CLCN4: variants seen among roughly 807,000 people sequenced by gnomAD.
CLCN4 encodes H(+)/Cl(-) exchange transporter 4.
Under a neutral mutation model 41.7 loss-of-function variants are expected in CLCN4, and 1 was observed. That is an observed-to-expected ratio of 0.02 (90% CI 0.01 to 0.11). The LOEUF is 0.11. Ranked by LOEUF, CLCN4 falls within the 10% of genes least tolerant of loss-of-function variation. CLCN4 has a pLI of 1.00. For missense variants in CLCN4, 287 were observed against 661.0 expected (o/e 0.43, Z 6.20); for synonymous variants, 277 against 285.8 (o/e 0.97, Z 0.31).
intron 2 of CLCN4, among the ~76,000 whole-genome samples, chrX:10,163,982 C>A (rs780527073): frequency 8.9e-6 from 1 of 112,833 alleles, no homozygotes; most frequent in South Asian, 3.6e-4. Flanking sequence ...TCCTACAAGT[C>A]TAGGCAGTGG....
intron 2 of CLCN4, among the ~76,000 whole-genome samples, chrX:10,173,082 A>G (rs761199855): frequency 1.8e-5 from 2 of 111,243 alleles, no homozygotes; most frequent in African/African-American, 3.3e-5. Flanking sequence ...TTCAAAGGCA[A>G]CTAACTGCAA....
At chrX:10,170,189 T>C (rs1053374291) in intron 2 of CLCN4, among the ~76,000 whole-genome samples, 13 of 112,276 alleles carry the variant, frequency 1.2e-4, no homozygotes, top group African/African-American at 3.9e-4. Flanking sequence ...ATAGTATTAA[T>C]AACACTCCCT....
intron 2 of CLCN4, among the ~76,000 whole-genome samples, chrX:10,173,466 G>C (rs1223518460): frequency 9.0e-6 from 1 of 110,637 alleles, no homozygotes; most frequent in Non-Finnish European, 1.9e-5. Context: ...GTTCGGCTGC[G>C]CACCCCGGGC....
At chrX:10,191,758 C>T (rs1355596647) in intron 4 of CLCN4, among the ~76,000 whole-genome samples, 1 of 86,733 alleles carries the variant, frequency 1.2e-5, no homozygotes, top group African/African-American at 4.7e-5. Context: ...CAGGCTAGTC[C>T]TGAACTCCTG....
intron 2 of CLCN4, among the ~76,000 whole-genome samples, chrX:10,161,649 A>C (rs1335333598): frequency 9.0e-6 from 1 of 110,927 alleles, no homozygotes; most frequent in Non-Finnish European, 1.9e-5. Flanking sequence ...ACAGTCTGTG[A>C]TGTGTTCGGC....
intron 2 of CLCN4, among the ~76,000 whole-genome samples, chrX:10,183,986 T>C (rs1342206311): frequency 8.9e-6 from 1 of 112,009 alleles, no homozygotes; most frequent in Non-Finnish European, 1.9e-5. Context: ...CCCACTCACA[T>C]AGAGGGCTCC....
At chrX:10,193,316 G>A (rs898449743) in intron 4 of CLCN4, among the ~76,000 whole-genome samples, 1 of 112,592 alleles carries the variant, frequency 8.9e-6, no homozygotes, top group African/African-American at 3.2e-5. Context: ...TGGGCTCTAT[G>A]TGCTTGGAAA....
Position 10,208,626 on chromosome X carries a change from A to T in CLCN4, c.1389+36A>T, listed in dbSNP as rs188933383. The T allele has an allele frequency of 3.5e-5, 40 of 1,138,965 alleles. No individual in the cohort carries two copies. In the African/African-American group the frequency reaches 7.0e-4, roughly 20 times the overall value. 93.9% of individuals were successfully genotyped at this position (1,138,965 alleles called of 1,213,427 possible). A position where few individuals can be genotyped will look rare whatever the true frequency, so the allele number is the denominator to read the frequency against. ...GGGAAGGAAGATGGGGTGGGGACCC[A>T]TGTCCTTCTGGGGACAGCACCCTAC... On this transcript the variant is annotated intron_variant, in intron 9 of 12. Transcript: ENST00000380833.
intron 2 of CLCN4, among the ~76,000 whole-genome samples, chrX:10,178,159 T>C (rs1277077858): frequency 9.8e-6 from 1 of 101,910 alleles, no homozygotes; most frequent in Non-Finnish European, 2.0e-5. Context: ...TGATTGCTAA[T>C]GGGTAGGGGG....
chrX:10,233,188 C>G (rs1416376897), intron 12 of CLCN4, among the ~76,000 whole-genome samples: 4 of 112,189 alleles, frequency 3.6e-5, no homozygotes, highest in African/African-American at 1.3e-4. Context: ...GGGCTCTGGA[C>G]CTAGGTGTTT....
intron 9 of CLCN4, among the ~76,000 whole-genome samples, chrX:10,212,214 C>A (rs1924575034): frequency 8.9e-6 from 1 of 112,062 alleles, no homozygotes; most frequent in South Asian, 3.8e-4. Flanking sequence ...GCAGGCAAAC[C>A]CAGCCAGCTT....
At chrX:10,166,927 G>A (rs1373118425) in intron 2 of CLCN4, among the ~76,000 whole-genome samples, 1 of 111,612 alleles carries the variant, frequency 9.0e-6, no homozygotes, top group Non-Finnish European at 1.9e-5. Context: ...GGGTTTCAAC[G>A]TGGAACGAAT....
In CLCN4 at chrX:10,200,257, A is replaced by C. The variant is rs191147894; in HGVS notation, c.555+2196A>C. On this transcript the variant is annotated intron_variant, in intron 6 of 12. Coordinates refer to ENST00000380833, the MANE Select transcript of CLCN4 (RefSeq NM_001830.4). The stretch of plus-strand genomic sequence containing the variant: ...AGGCTGGTCTTGAAATCCTGGGCTC[A>C]AGCAATCCTCCCGCCTTGGCCTCCC... Among the ~76,000 whole-genome samples the C allele has an allele frequency of 7.7e-3, 859 of 112,211 alleles. 9 individuals are homozygous for C. The highest frequency in any genetic ancestry group is 0.026 in the African/African-American group (794 of 30,884).
chrX:10,217,153 T>G (rs1426138961), intron 11 of CLCN4, among the ~76,000 whole-genome samples: 1 of 108,149 alleles, frequency 9.2e-6, no homozygotes, highest in South Asian at 4.1e-4. Flanking sequence ...CAGGCTGGAG[T>G]GCAGTGGCGC....
At chrX:10,221,896 T>C (rs778693712) in intron 12 of CLCN4, among the ~76,000 whole-genome samples, 49 of 111,458 alleles carry the variant, frequency 4.4e-4, no homozygotes, top group African/African-American at 1.5e-3. Context: ...CTGAGGTCGC[T>C]TGTGGATGTT....
chrX:10,179,653 G>T, intron 2 of CLCN4, among the ~76,000 whole-genome samples: 1 of 111,457 alleles, frequency 9.0e-6, no homozygotes, highest in African/African-American at 3.3e-5. Flanking sequence ...AGAAAGCAGA[G>T]GAGTGAGCAG....
intron 3 of CLCN4, among the ~76,000 whole-genome samples, chrX:10,186,600 C>T (rs1923818717): frequency 9.0e-6 from 1 of 111,028 alleles, no homozygotes; most frequent in Admixed American, 9.5e-5. Flanking sequence ...TGTCACATCG[C>T]CTCACGAGGG....
At chrX:10,175,951 T>TCCCA (rs1923519169) in intron 2 of CLCN4, among the ~76,000 whole-genome samples, 1 of 59,563 alleles carries the variant, frequency 1.7e-5, no homozygotes, top group Non-Finnish European at 2.9e-5. Flanking sequence ...TCTCCCTCTC[T>TCCCA]CTCTCTCTCT....
At chrX:10,158,632 C>T (rs1449175595) in intron 2 of CLCN4, 81 bp downstream of exon 2, 1 of 256,170 alleles carries the variant, frequency 3.9e-6, no homozygotes, top group Admixed American at 6.6e-5. Flanking sequence ...GGCCCGCGGG[C>T]CTGCAGCCCG....
Sources: gnomAD v4.1 joint callset for allele counts (sites outside exome capture counted in the v4.1 genomes callset) on GRCh38, gnomAD v4.1.1 for gene constraint, MANE v1.5 for transcripts, NCBI Gene and HGNC (gene_info 2026-07-23, HGNC 2026-07-21) for gene names.